SLC7A14: variants seen among roughly 807,000 people sequenced by gnomAD.
The protein encoded by SLC7A14 is gamma-aminobutyric acid transporter SLC7A14.
In SLC7A14, 37 loss-of-function variants were observed where a neutral mutation model predicts 60.2. The observed-to-expected ratio is 0.61, with a 90% CI of 0.47 to 0.81. The LOEUF (loss-of-function observed/expected upper bound fraction) is 0.81. SLC7A14 is among the 30% of genes least tolerant of loss of function. The pLI is 0.00. For synonymous variants in SLC7A14, 399 were observed against 395.8 expected, an observed-to-expected ratio of 1.01 and a Z score of -0.10; for missense variants, 886 against 982.7, an observed-to-expected ratio of 0.90 and a Z score of 1.32.
At chr3:170,547,755 T>A (rs940520637) in intron 1 of SLC7A14, among the ~76,000 whole-genome samples, 4 of 152,196 alleles carry the variant, frequency 2.6e-5, no homozygotes, top group Admixed American at 6.5e-5. Flanking sequence ...TAAAACCTAA[T>A]GTATCAGCGA....
At chr3:170,580,921 G>A (rs925220589) in intron 1 of SLC7A14, among the ~76,000 whole-genome samples, 12 of 152,140 alleles carry the variant, frequency 7.9e-5, no homozygotes, top group African/African-American at 2.9e-4. Context: ...TCAAAATCGT[G>A]AGCCACTATA....
chr3:170,491,978 G>A (rs1269159753), intron 4 of SLC7A14, among the ~76,000 whole-genome samples: 1 of 152,160 alleles, frequency 6.6e-6, no homozygotes. Context: ...TTAGCAAAAA[G>A]GGTCATCTTT....
intron 1 of SLC7A14, among the ~76,000 whole-genome samples, chr3:170,576,390 C>A (rs953565782): frequency 6.6e-6 from 1 of 152,196 alleles, no homozygotes; most frequent in African/African-American, 2.4e-5. Context: ...TCCCTAAATG[C>A]CAACCTTTAG....
chr3:170,584,182 T>TC (rs1715311439), intron 1 of SLC7A14, among the ~76,000 whole-genome samples: 1 of 152,134 alleles, frequency 6.6e-6, no homozygotes, highest in Non-Finnish European at 1.5e-5. Context: ...CTCAATCCTT[T>TC]CCCCATCTTG....
intron 7 of SLC7A14, among the ~76,000 whole-genome samples, chr3:170,470,846 G>T (rs2108263785): frequency 6.6e-6 from 1 of 152,298 alleles, no homozygotes; most frequent in East Asian, 1.9e-4. Flanking sequence ...TGTGGAAGCA[G>T]GGTGTTTTGT....
At chr3:170,495,698 C>G in intron 4 of SLC7A14, 1 of 1,024,070 alleles carries the variant, frequency 9.8e-7, no homozygotes, top group African/African-American at 1.6e-5. Context: ...ATATCCAGGC[C>G]ATGCACACCC....
chr3:170,473,284 C>T (rs891025945), intron 7 of SLC7A14, among the ~76,000 whole-genome samples: 2 of 152,152 alleles, frequency 1.3e-5, no homozygotes, highest in African/African-American at 4.8e-5. Context: ...CAGGAGAAAT[C>T]CTAGAACAAA....
At chr3:170,583,439 C>T (rs1715290555) in intron 1 of SLC7A14, among the ~76,000 whole-genome samples, 1 of 152,176 alleles carries the variant, frequency 6.6e-6, no homozygotes. Context: ...TTCACTGATG[C>T]TGACGTTTAG....
intron 1 of SLC7A14, among the ~76,000 whole-genome samples, chr3:170,548,492 C>T (rs1714242332): frequency 6.6e-6 from 1 of 152,226 alleles, no homozygotes; most frequent in African/African-American, 2.4e-5. Context: ...CAGTGAGGCT[C>T]TGCCCCACCT....
chr3:170,521,888 A>C (rs890969660), intron 2 of SLC7A14, among the ~76,000 whole-genome samples: 1 of 151,960 alleles, frequency 6.6e-6, no homozygotes, highest in African/African-American at 2.4e-5. Flanking sequence ...GCCATTGCAC[A>C]CCAGCCTGGG....
chr3:170,501,560 C>G (rs1325880781), intron 2 of SLC7A14, among the ~76,000 whole-genome samples: 4 of 152,192 alleles, frequency 2.6e-5, no homozygotes. Context: ...GCAATCAGAA[C>G]TAATTCTACT....
chr3:170,519,169 A>G (rs1452994256), intron 2 of SLC7A14, among the ~76,000 whole-genome samples: 1 of 152,192 alleles, frequency 6.6e-6, no homozygotes, highest in Non-Finnish European at 1.5e-5. Flanking sequence ...ACAACTCCCT[A>G]GATTTACTGA....
At chr3:170,540,945 A>G (rs1714000513) in intron 1 of SLC7A14, among the ~76,000 whole-genome samples, 1 of 152,246 alleles carries the variant, frequency 6.6e-6, no homozygotes, top group South Asian at 2.1e-4. Flanking sequence ...ATGTAAAAAT[A>G]TATCAGTTAT....
chr3:170,567,562 T>A (rs934968179), intron 1 of SLC7A14, among the ~76,000 whole-genome samples: 2 of 151,510 alleles, frequency 1.3e-5, no homozygotes, highest in Non-Finnish European at 2.9e-5. Context: ...TTTCTAGTTC[T>A]AGATCCCTGA....
chr3:170,541,799 CCA>C (rs1321802923), intron 1 of SLC7A14, among the ~76,000 whole-genome samples: 3 of 152,044 alleles, frequency 2.0e-5, no homozygotes, highest in African/African-American at 7.2e-5. Context: ...TTGCAAAAAA[CCA>C]CAGTTACTCT....
At chr3:170,564,946 T>TTTTTG (rs941062270) in intron 1 of SLC7A14, among the ~76,000 whole-genome samples, 5 of 151,976 alleles carry the variant, frequency 3.3e-5, no homozygotes, top group African/African-American at 7.3e-5. Flanking sequence ...AGTGAGTGGG[T>TTTTTG]TTTTGTTTTG....
At chr3:170,494,146 A>G (rs1027522983) in intron 4 of SLC7A14, among the ~76,000 whole-genome samples, 4 of 152,240 alleles carry the variant, frequency 2.6e-5, no homozygotes, top group African/African-American at 9.6e-5. Context: ...ATCGAATTTC[A>G]GCTCTATTAC....
At chr3:170,530,248 G>T (rs550538894) in intron 1 of SLC7A14, among the ~76,000 whole-genome samples, 3 of 152,208 alleles carry the variant, frequency 2.0e-5, no homozygotes, top group Admixed American at 6.5e-5. Context: ...AAAGAAGCCA[G>T]TTGTACCAGA....
At chr3:170,547,348 C>A (rs907950424) in intron 1 of SLC7A14, among the ~76,000 whole-genome samples, 1 of 152,218 alleles carries the variant, frequency 6.6e-6, no homozygotes, top group East Asian at 1.9e-4. Flanking sequence ...GGGTGCCAAC[C>A]CCTGTGCAGC....
Sources: allele counts gnomAD v4.1 joint callset (sites outside exome capture counted in the v4.1 genomes callset), GRCh38; gene constraint gnomAD v4.1.1; transcripts MANE v1.5; gene names NCBI Gene and HGNC (gene_info 2026-07-23, HGNC 2026-07-21).